RRP12: variants seen among roughly 807,000 people sequenced by gnomAD.
RRP12 encodes RRP12-like protein.
In RRP12, 78 loss-of-function variants were observed where a neutral mutation model predicts 157.3. The ratio of observed to expected loss-of-function variants is 0.50; its 90% confidence interval spans 0.41 to 0.60. The LOEUF (loss-of-function observed/expected upper bound fraction) is 0.60. Among genes scored for constraint, RRP12 ranks in the 20% least tolerant of loss-of-function variants. The pLI is 0.00. For synonymous variants in RRP12, 726 were observed against 670.9 expected (o/e 1.08, Z -1.27); for missense variants, 1,521 against 1,679.9 (o/e 0.91, Z 1.65).
Position 97,370,971 on chromosome 10 carries a change from C to T in RRP12, c.2454G>A (p.Lys818=), listed in dbSNP as rs1292983421. Residue 818 remains lysine, a synonymous_variant, in exon 21 of 34, where the codon AAG becomes AAA. Coordinates refer to ENST00000370992, the MANE Select transcript of RRP12 (RefSeq NM_015179.4). The part of the protein sequence containing the change: ...LFVQSHLEDL[K]KTLLDSLRST... ...TCCGCAGCGAGTCCAGCAGTGTCTT[C>T]TTCAGGTCCTCCAGGTGGCTCTGCA... is the stretch of plus-strand genomic sequence containing the variant. 6.2e-7 allele frequency: 1 copy of T among 1,613,952 alleles called. No individual in the cohort carries two copies. The highest frequency in any genetic ancestry group is 1.7e-5 in the Admixed American group (1 of 59,998).
intron 29 of RRP12, among the ~76,000 whole-genome samples, chr10:97,364,436 C>T (rs1456549703): frequency 7.9e-5 from 12 of 152,024 alleles, no homozygotes; most frequent in Admixed American, 7.2e-4. Context: ...AGCACGTGAC[C>T]GGCCATGTGT....
rs562067386 is a variant in RRP12, at chr10:97,377,607, G to A, written c.1798+1686C>T. Among the ~76,000 whole-genome samples the A allele has an allele frequency of 2.0e-4, 31 of 151,904 alleles. No homozygotes were observed. In the South Asian group the frequency reaches 6.4e-3, roughly 32 times the overall value. On this transcript the variant is annotated intron_variant, in intron 15 of 33. Transcript: ENST00000370992. ...CGCCTGTAATCCCAACACTTTGGGA[G>A]GCTGAGGCAGGTGGACCGCCTGAGG...
At chr10:97,379,249 C>T (rs1554879626) in intron 15 of RRP12, 44 bp downstream of exon 15, 1 of 1,608,852 alleles carries the variant, frequency 6.2e-7, no homozygotes, top group Non-Finnish European at 8.5e-7. Flanking sequence ...GGTTCCAGGA[C>T]TGTGGGGAGC....
Position 97,358,457 on chromosome 10 carries a change from G to C in RRP12, c.3791+80C>G, listed in dbSNP as rs553313361. On this transcript the variant is annotated intron_variant, in intron 33 of 33. Transcript: ENST00000370992. ...CAAATTGAGCTGAGAGTTTAATAAGGCCTTCCCTTCTTTAGAGCACTCTGC... is the reference window on the plus strand; with the variant it reads ...CAAATTGAGCTGAGAGTTTAATAAGCCCTTCCCTTCTTTAGAGCACTCTGC... The C allele has an allele frequency of 4.9e-6, 5 of 1,026,542 alleles. No homozygotes were observed. In the South Asian group the frequency reaches 6.7e-5, roughly 14 times the overall value. The allele number at this position is 1,026,542 out of a possible 1,614,324, so 63.6% of individuals were successfully genotyped here.
At chr10:97,395,207 T>TACACAC (rs1554882670) in intron 3 of RRP12, among the ~76,000 whole-genome samples, 25 of 149,972 alleles carry the variant, frequency 1.7e-4, no homozygotes, top group East Asian at 1.6e-3. Context: ...TATACACATA[T>TACACAC]ACACACACAC....
At chr10:97,384,581 C>T (rs943203435) in intron 10 of RRP12, among the ~76,000 whole-genome samples, 1 of 151,058 alleles carries the variant, frequency 6.6e-6, no homozygotes, top group African/African-American at 2.4e-5. Flanking sequence ...TGGACGGAGA[C>T]CCTGAGGACC....
chr10:97,366,948 C>T (rs1332805706), intron 26 of RRP12, 39 bp from the exon 27 acceptor site: 1 of 1,610,146 alleles, frequency 6.2e-7, no homozygotes, highest in Non-Finnish European at 8.5e-7. Flanking sequence ...AGGCACTGGC[C>T]AGACAGCACG....
At chr10:97,363,550 C>A (rs114359046) in intron 30 of RRP12, among the ~76,000 whole-genome samples, 1 of 152,176 alleles carries the variant, frequency 6.6e-6, no homozygotes, top group Non-Finnish European at 1.5e-5. Context: ...TGCTCCCCTA[C>A]GGTGGATGCC....
In RRP12 at chr10:97,392,421, C is replaced by T. The variant is rs758750277; in HGVS notation, c.530+1263G>A. Reference sequence around the variant, plus strand: ...CTGGACTGCAGTGGCTTGATCTTGGCTCAATGCAACCTCCACATTCTGTGT... The same window carrying T: ...CTGGACTGCAGTGGCTTGATCTTGGTTCAATGCAACCTCCACATTCTGTGT... On this transcript the variant is annotated intron_variant, in intron 4 of 33. Transcript: ENST00000370992. 3.2e-4 allele frequency among the ~76,000 whole-genome samples: 49 copies of T among 152,306 alleles called. 1 individual carries two copies. The highest frequency in any genetic ancestry group is 6.8e-3 in the Middle Eastern group (2 of 294).
intron 13 of RRP12, among the ~76,000 whole-genome samples, chr10:97,380,046 T>C (rs1245219463): frequency 6.6e-6 from 1 of 152,240 alleles, no homozygotes; most frequent in African/African-American, 2.4e-5. Flanking sequence ...CAAATGTATC[T>C]TGTCTGCATG....
intron 29 of RRP12, 120 bp downstream of exon 29, chr10:97,365,988 T>G (rs1589413260): frequency 7.3e-7 from 1 of 1,371,900 alleles, no homozygotes; most frequent in Non-Finnish European, 1.0e-6. Context: ...CTCAAAAAGT[T>G]TGAGGAAGCT....
chr10:97,359,349 A>T (rs1013710403), intron 31 of RRP12, among the ~76,000 whole-genome samples: 6 of 152,086 alleles, frequency 3.9e-5, no homozygotes, highest in Non-Finnish European at 1.5e-5. Flanking sequence ...GCCAGGTTCA[A>T]CTCCCAGCTC....
Position 97,379,708 on chromosome 10 carries a change from G to T in RRP12, c.1596C>A (p.Asp532Glu). ...SPHFPHTAAL[D>E]QAVGAAVTSM... ...TGGTCACCGCAGCCCCCACTGCCTG[G>T]TCAAGAGCCGCCGTGTGGGGGAAAT... The change falls in exon 14 of 34, where the codon GAC becomes GAA. Residue 532 changes from aspartate (D) to glutamate (E), a missense_variant. Coordinates refer to ENST00000370992, the MANE Select transcript of RRP12 (RefSeq NM_015179.4). 6.2e-7 allele frequency: 1 copy of T among 1,614,038 alleles called. No homozygotes were observed. The highest frequency in any genetic ancestry group is 8.5e-7 in the Non-Finnish European group (1 of 1,179,978).
Position 97,366,143 on chromosome 10 carries a change from T to C in RRP12, c.3482A>G (p.Asp1161Gly). 6.2e-7 allele frequency: 1 copy of C among 1,606,084 alleles called. No homozygotes were observed. The highest frequency in any genetic ancestry group is 2.2e-5 in the East Asian group (1 of 44,860). The stretch of plus-strand genomic sequence containing the variant: ...TTCCTCTTCCTCCATCTTGTTGCCG[T>C]CTGCCTCCTCCCTTATGATCAGCCG... ...DGRLIIREEA[D>G]GNKMEEEEGA... Residue 1161 changes from aspartate (D) to glycine (G), a missense_variant, in exon 29 of 34, where the codon GAC (aspartate) becomes GGC (glycine). Asp to Gly is a moderately conservative substitution (Grantham distance 94). Coordinates refer to ENST00000370992, the MANE Select transcript of RRP12 (RefSeq NM_015179.4).
Position 97,366,774 on chromosome 10 carries a change from C to CTCCTCCTCCTCTTCT in RRP12, c.3168_3182dup (p.Glu1060_Glu1064dup). ...CTTTGCCCTGGGCGGGCTCCTCCTCCTCCTCCTCCTCTTCTTCCTCCTCCA... is the reference window on the plus strand; with the variant it reads ...CTTTGCCCTGGGCGGGCTCCTCCTCCTCCTCCTCCTCTTCTTCCTCCTCCTCTTCTTCCTCCTCCA... On this transcript the variant is annotated inframe_insertion, in exon 27 of 34. Coordinates refer to ENST00000370992, the MANE Select transcript of RRP12 (RefSeq NM_015179.4). 2 of 1,614,166 alleles carry CTCCTCCTCCTCTTCT rather than the reference C, an allele frequency of 1.2e-6. No individual in the cohort carries two copies. Among genetic ancestry groups the CTCCTCCTCCTCTTCT allele is most frequent in the Non-Finnish European group, 1.7e-6 (2 of 1,180,012 alleles).
intron 2 of RRP12, among the ~76,000 whole-genome samples, chr10:97,397,354 G>T (rs1266923695): frequency 6.6e-6 from 1 of 151,698 alleles, no homozygotes. Flanking sequence ...TAGGGATGGA[G>T]TTTCACCATG....
intron 29 of RRP12, among the ~76,000 whole-genome samples, chr10:97,364,214 T>C (rs1411202786): frequency 1.3e-5 from 2 of 152,218 alleles, no homozygotes; most frequent in African/African-American, 4.8e-5. Flanking sequence ...TGTTTGAGAT[T>C]TGAAGAAAGC....
chr10:97,358,111 GATCAT>G (rs1197836917), intron 33 of RRP12, among the ~76,000 whole-genome samples: 6 of 152,112 alleles, frequency 3.9e-5, no homozygotes, highest in Non-Finnish European at 8.8e-5. Context: ...GAGGCATGCA[GATCAT>G]GAGGTCAAGA....
chr10:97,358,396 A>G (rs1843764127), intron 33 of RRP12, 141 bp downstream of exon 33: 8 of 685,962 alleles, frequency 1.2e-5, no homozygotes, highest in African/African-American at 7.1e-5. Context: ...GCTACATGAT[A>G]TAGGTGCATG....
Sources: allele counts gnomAD v4.1 joint callset (sites outside exome capture counted in the v4.1 genomes callset), GRCh38; gene constraint gnomAD v4.1.1; transcripts MANE v1.5; gene names NCBI Gene and HGNC (gene_info 2026-07-23, HGNC 2026-07-21).